The following LRRIQ3 variants were observed in gnomAD, a reference collection of about 807,000 sequenced individuals.
LRRIQ3 encodes leucine rich repeats and IQ motif containing 3.
In LRRIQ3, 75 loss-of-function variants were observed where a neutral mutation model predicts 59.3. That is an observed-to-expected ratio of 1.26 (90% CI 1.05 to 1.53). LRRIQ3 has a LOEUF of 1.53. LRRIQ3 is among the 40% of genes most tolerant of loss of function. The pLI is 0.00. For missense variants in LRRIQ3, 831 were observed against 710.0 expected (o/e 1.17, Z -1.94); for synonymous variants, 250 against 231.3 (o/e 1.08, Z -0.73).
chr1:74,189,590 T>C (rs1218382933), intron 1 of LRRIQ3, among the ~76,000 whole-genome samples: 1 of 152,138 alleles, frequency 6.6e-6, no homozygotes, highest in Non-Finnish European at 1.5e-5. Flanking sequence ...CTCATCTTAA[T>C]TGTAGCTCCC....
chr1:74,101,936 C>G (rs1570115540), intron 5 of LRRIQ3, among the ~76,000 whole-genome samples: 1 of 151,852 alleles, frequency 6.6e-6, no homozygotes, highest in East Asian at 1.9e-4. Context: ...GGAGGGATAG[C>G]ATTAGAAGAT....
intron 4 of LRRIQ3, among the ~76,000 whole-genome samples, chr1:74,120,840 A>G (rs1342706084): frequency 1.3e-5 from 2 of 152,060 alleles, no homozygotes; most frequent in Non-Finnish European, 2.9e-5. Flanking sequence ...TCCATTAATT[A>G]ATTGTATTAA....
In LRRIQ3 at chr1:74,100,788, G is replaced by T. The variant is rs186364986; in HGVS notation, c.867+8606C>A. 3.8e-3 allele frequency among the ~76,000 whole-genome samples: 574 copies of T among 152,148 alleles called. 5 individuals carry two copies. Among genetic ancestry groups the T allele is most frequent in the African/African-American group, 0.013 (545 of 41,504 alleles). ...CAACCATCTGATCTTTGACAAACCT[G>T]ACAAAAACAAGAAATGGGGAAAGGA... On this transcript the variant is annotated intron_variant, in intron 5 of 7. Coordinates refer to ENST00000354431, the MANE Select transcript of LRRIQ3 (RefSeq NM_001105659.2).
chr1:74,153,767 A>G lies in LRRIQ3; in HGVS notation c.707+1966T>C, dbSNP rs189541183. ...AACACATCAAAGAGGCAATATCCCA[A>G]ACATTTGTCCTAAACAAATAGAAAG... On this transcript the variant is annotated intron_variant, in intron 4 of 7. Coordinates refer to ENST00000354431, the MANE Select transcript of LRRIQ3 (RefSeq NM_001105659.2). Among the ~76,000 whole-genome samples, 22 of 151,286 alleles carry G rather than the reference A, an allele frequency of 1.5e-4. No homozygotes were observed. The East Asian group carries it at 3.5e-3, about 24-fold the overall frequency.
chr1:74,107,438 T>C (rs1313949158), intron 5 of LRRIQ3, among the ~76,000 whole-genome samples: 3 of 151,884 alleles, frequency 2.0e-5, no homozygotes, highest in Non-Finnish European at 4.4e-5. Context: ...CTATAGTTTC[T>C]TACAAACCAA....
At chr1:74,191,442 A>C (rs1175513071) in intron 1 of LRRIQ3, among the ~76,000 whole-genome samples, 1 of 152,146 alleles carries the variant, frequency 6.6e-6, no homozygotes, top group Non-Finnish European at 1.5e-5. Flanking sequence ...AAATAATAAT[A>C]GCAACTAGTT....
intron 1 of LRRIQ3, among the ~76,000 whole-genome samples, 192 bp from the exon 2 acceptor site, chr1:74,183,876 A>C (rs896848553): frequency 6.6e-6 from 1 of 152,174 alleles, no homozygotes; most frequent in Non-Finnish European, 1.5e-5. Flanking sequence ...ACAGCCAATC[A>C]GAATGTTATC....
chr1:74,050,999 T>A (rs898568458), intron 6 of LRRIQ3, among the ~76,000 whole-genome samples: 9 of 152,200 alleles, frequency 5.9e-5, no homozygotes, highest in Non-Finnish European at 1.2e-4. Context: ...TTATGAAACA[T>A]CTTACATCTC....
intron 4 of LRRIQ3, among the ~76,000 whole-genome samples, chr1:74,127,344 A>T (rs1646951310): frequency 6.6e-6 from 1 of 151,794 alleles, no homozygotes; most frequent in Admixed American, 6.6e-5. Flanking sequence ...ATTTACATTC[A>T]ATGTTATTGT....
In LRRIQ3 at chr1:74,100,812, GATTCCCT is replaced by G. The variant is rs576909863; in HGVS notation, c.867+8575_867+8581del. ...TGACAAAAACAAGAAATGGGGAAAG[GATTCCCT>G]ATTTAATACATGATGCTGGGAAAAC... On this transcript the variant is annotated intron_variant, in intron 5 of 7. Transcript: ENST00000354431. 7.8e-4 allele frequency among the ~76,000 whole-genome samples: 119 copies of G among 152,240 alleles called. 1 individual carries two copies. In the East Asian group the frequency reaches 0.022, roughly 28 times the overall value.
intron 4 of LRRIQ3, among the ~76,000 whole-genome samples, chr1:74,133,056 T>C (rs1570175761): frequency 1.3e-5 from 2 of 151,596 alleles, no homozygotes; most frequent in Admixed American, 1.3e-4. Flanking sequence ...TGGGCAAATA[T>C]GAACAGACAC....
intron 4 of LRRIQ3, among the ~76,000 whole-genome samples, chr1:74,125,834 C>A (rs1490830791): frequency 1.3e-5 from 2 of 151,676 alleles, no homozygotes; most frequent in African/African-American, 2.4e-5. Context: ...CTGTCTTTTT[C>A]TGATTCTTTT....
At chr1:74,059,977 C>T (rs945313735) in intron 6 of LRRIQ3, among the ~76,000 whole-genome samples, 7 of 151,852 alleles carry the variant, frequency 4.6e-5, no homozygotes, top group African/African-American at 1.5e-4. Flanking sequence ...AAATTATTCG[C>T]TATATAATTG....
chr1:74,032,236 C>T (rs1189607627), intron 7 of LRRIQ3, among the ~76,000 whole-genome samples: 1 of 151,818 alleles, frequency 6.6e-6, no homozygotes, highest in Non-Finnish European at 1.5e-5. Flanking sequence ...ATGCAAAGGT[C>T]CTAGAACAAC....
At chr1:74,097,324 A>G (rs904900720) in intron 5 of LRRIQ3, among the ~76,000 whole-genome samples, 4 of 152,330 alleles carry the variant, frequency 2.6e-5, no homozygotes, top group Non-Finnish European at 4.4e-5. Flanking sequence ...ATTGAAGATC[A>G]AATGAATGAA....
At position 74,193,838 on chromosome 1, in the gene LRRIQ3, T is replaced by C. The variant is rs182176569; in HGVS notation, c.-1+4158A>G. Among the ~76,000 whole-genome samples, 297 of 152,234 alleles carry C rather than the reference T, an allele frequency of 2.0e-3. 1 individual carries two copies. Among genetic ancestry groups the C allele is most frequent in the African/African-American group, 6.6e-3 (275 of 41,546 alleles). ...TCCAGAATTATCACAACAGCTGTTA[T>C]CTGCATATAAAATCAAATCATAAAA... On this transcript the variant is annotated intron_variant, in intron 1 of 7. Transcript: ENST00000354431.
intron 3 of LRRIQ3, among the ~76,000 whole-genome samples, chr1:74,165,733 C>G (rs1648942006): frequency 6.6e-6 from 1 of 151,606 alleles, no homozygotes; most frequent in Non-Finnish European, 1.5e-5. Flanking sequence ...TGTTTTTCCT[C>G]AAGTTGAGGA....
chr1:74,137,536 G>T (rs1647144566), intron 4 of LRRIQ3, among the ~76,000 whole-genome samples: 1 of 152,020 alleles, frequency 6.6e-6, no homozygotes, highest in African/African-American at 2.4e-5. Flanking sequence ...ACAGTGTGGT[G>T]ATTCCTCAAG....
At chr1:74,158,807 A>G (rs1648494750) in intron 3 of LRRIQ3, among the ~76,000 whole-genome samples, 1 of 152,124 alleles carries the variant, frequency 6.6e-6, no homozygotes, top group Admixed American at 6.6e-5. Context: ...CCTGACACAG[A>G]CCTTACAAAT....
Sources: allele counts gnomAD v4.1 joint callset (sites outside exome capture counted in the v4.1 genomes callset), GRCh38; gene constraint gnomAD v4.1.1; transcripts MANE v1.5; gene names NCBI Gene and HGNC (gene_info 2026-07-23, HGNC 2026-07-21).